The following FKBP10 variants were observed in gnomAD, a reference collection of about 807,000 sequenced individuals.
FKBP10 encodes peptidyl-prolyl cis-trans isomerase FKBP10.
In FKBP10, 34 loss-of-function variants were observed where a neutral mutation model predicts 53.7. That is an observed-to-expected ratio of 0.63 (90% CI 0.48 to 0.84). The LOEUF is 0.84. FKBP10 is among the 40% of genes least tolerant of loss of function. The probability of loss-of-function intolerance (pLI) is 0.00; values close to 1 mark genes in which losing one functional copy is unlikely to be tolerated. For synonymous variants in FKBP10, 324 were observed against 335.7 expected, an observed-to-expected ratio of 0.97 and a Z score of 0.38; for missense variants, 748 against 797.8, an observed-to-expected ratio of 0.94 and a Z score of 0.75.
rs1809222218 is a variant in FKBP10 at position 41,821,055 on chromosome 17, C to T, written c.1365C>T (p.Ile455=). The part of the protein sequence containing the change: ...GMCVGERRQL[I]VPPHLAHGES... ...GTGTGGGAGAGAGGCGGCAGCTCAT[C>T]GTGCCCCCGCACCTGGCCCACGGGG... The change falls in exon 8 of 10, where the codon ATC becomes ATT. Residue 455 remains isoleucine (I), a synonymous_variant. Transcript: ENST00000321562. 2 of 1,572,166 alleles carry T rather than the reference C, an allele frequency of 1.3e-6. No homozygotes were observed. The highest frequency in any genetic ancestry group is 8.6e-7 in the Non-Finnish European group (1 of 1,158,680).
chr17:41,813,211 G>A lies in FKBP10; in HGVS notation c.177G>A (p.Val59=). 1 of 1,613,626 alleles carries A rather than the reference G, an allele frequency of 6.2e-7. No individual in the cohort carries two copies. The change falls in exon 1 of 10, where the codon GTG becomes GTA. Residue 59 remains valine, a synonymous_variant. Transcript: ENST00000321562. ...TCCCCAGGGCCTGTCCCCGGGAAGT[G>A]CAGATGGGGGATTTTGTGCGCTACC... The part of the protein sequence containing the change: ...YHIPRACPRE[V]QMGDFVRYHY...
At chr17:41,818,781 C>T (rs2047849058) in intron 4 of FKBP10, 1 of 484,760 alleles carries the variant, frequency 2.1e-6, no homozygotes, top group South Asian at 2.1e-5. Flanking sequence ...CGGTGAAACC[C>T]CGTCTCTACT....
chr17:41,816,876 G>A (rs1029991513), intron 1 of FKBP10, among the ~76,000 whole-genome samples, 182 bp from the exon 2 acceptor site: 5 of 152,212 alleles, frequency 3.3e-5, no homozygotes, highest in African/African-American at 9.7e-5. Flanking sequence ...TAAGGTGGGC[G>A]TCACGGCCGA....
At position 41,819,331 on chromosome 17, in the gene FKBP10, C is replaced by T. The variant is rs782461284; in HGVS notation, c.849C>T (p.Ala283=). ...LELPPGCVRR[A]GAGDFMRYHY... ...TCCCCCCCGGCTGTGTCCGCAGAGC[C>T]GGGGCCGGGGACTTCATGCGCTACC... The change falls in exon 5 of 10, where the codon GCC becomes GCT. Residue 283 remains alanine, a synonymous_variant. Transcript: ENST00000321562. 1.6e-5 allele frequency: 26 copies of T among 1,601,882 alleles called. No individual in the cohort carries two copies. The East Asian group carries it at 3.4e-4, about 21-fold the overall frequency.
chr17:41,821,045 G>A lies in FKBP10; in HGVS notation c.1355G>A (p.Arg452Gln), dbSNP rs781863245. Residue 452 changes from arginine (R) to glutamine (Q), a missense_variant, in exon 8 of 10, where the codon CGG (arginine) becomes CAG (glutamine). Coordinates refer to ENST00000321562, the MANE Select transcript of FKBP10 (RefSeq NM_021939.4). ...CAGGGCATGTGTGTGGGAGAGAGGC[G>A]GCAGCTCATCGTGCCCCCGCACCTG... ...GLQGMCVGERRQLIVPPHLAH... is the reference protein window; with the variant it reads ...GLQGMCVGERQQLIVPPHLAH... The A allele has an allele frequency of 9.4e-6, 15 of 1,595,280 alleles. No homozygotes were observed. The highest frequency in any genetic ancestry group is 1.7e-5 in the Admixed American group (1 of 57,276).
rs782199101 is a variant in FKBP10, at chr17:41,817,094, T to C, written c.282T>C (p.Gly94=). 7 of 1,613,752 alleles carry C rather than the reference T, an allele frequency of 4.3e-6. No individual in the cohort carries two copies. The South Asian group carries it at 7.7e-5, about 18-fold the overall frequency. The change falls in exon 2 of 10, where the codon GGT becomes GGC. Residue 94 remains glycine, a synonymous_variant. Transcript: ENST00000321562. ...DRNTLVAIVV[G]VGRLITGMDR... is the part of the protein sequence containing the mutation. ...ACACCTTGGTGGCCATCGTGGTGGG[T>C]GTGGGGCGCCTCATCACTGGCATGG... is the stretch of plus-strand genomic sequence containing the variant.
intron 1 of FKBP10, among the ~76,000 whole-genome samples, chr17:41,816,046 G>A (rs2047811397): frequency 6.6e-6 from 1 of 151,156 alleles, no homozygotes; most frequent in Admixed American, 6.6e-5. Context: ...GCTGAGGCAG[G>A]AGAATCGCTT....
rs1276947944 is a variant in FKBP10, at chr17:41,822,439, C to G, written c.*31C>G. Reference sequence around the variant, plus strand: ...AGGGAGCCTGGCCAGGCCTGAGACACAGAGGCCCACTGCGAGGGGGACAGT... The same window carrying G: ...AGGGAGCCTGGCCAGGCCTGAGACAGAGAGGCCCACTGCGAGGGGGACAGT... On this transcript the variant is annotated 3_prime_UTR_variant, in exon 10 of 10. Transcript: ENST00000321562. 4 of 1,576,516 alleles carry G rather than the reference C, an allele frequency of 2.5e-6. No homozygotes were observed. The highest frequency in any genetic ancestry group is 3.4e-6 in the Non-Finnish European group (4 of 1,160,968).
Position 41,818,089 on chromosome 17 carries a change from C to G in FKBP10, c.392C>G (p.Ala131Gly), listed in dbSNP as rs782757906. The G allele has an allele frequency of 1.9e-6, 3 of 1,605,058 alleles. No homozygotes were observed. Among genetic ancestry groups the G allele is most frequent in the Admixed American group, 3.4e-5 (2 of 58,736 alleles). Residue 131 changes from alanine (A) to glycine (G), a missense_variant and splice_region_variant, in exon 3 of 10, where the codon GCG becomes GGG. Transcript: ENST00000321562. ...PHLGYGSIGL[A>G]GLIPPDATLY... Reference sequence around the variant, plus strand: ...CCTCCACGCTGCTGCGCTCTCACAGCGGGGCTCATTCCACCGGATGCCACC... The same window carrying G: ...CCTCCACGCTGCTGCGCTCTCACAGGGGGGCTCATTCCACCGGATGCCACC...
chr17:41,815,233 C>G (rs142693323), intron 1 of FKBP10, among the ~76,000 whole-genome samples: 622 of 152,310 alleles, frequency 4.1e-3, no homozygotes, highest in Middle Eastern at 6.8e-3. Flanking sequence ...ACGTGTCACA[C>G]AGTCAGACAT....
At position 41,821,072 on chromosome 17, in the gene FKBP10, C is replaced by T. The variant is rs782004558; in HGVS notation, c.1382C>T (p.Ala461Val). The T allele has an allele frequency of 4.5e-6, 7 of 1,542,976 alleles. No individual in the cohort carries two copies. The highest frequency in any genetic ancestry group is 2.3e-5 in the South Asian group (2 of 85,186). ...RRQLIVPPHL[A>V]HGESGARGVP... is the part of the protein sequence containing the mutation. Reference sequence around the variant, plus strand: ...CAGCTCATCGTGCCCCCGCACCTGGCCCACGGGGAGAGTGGAGGTGAGGGG... The same window carrying T: ...CAGCTCATCGTGCCCCCGCACCTGGTCCACGGGGAGAGTGGAGGTGAGGGG... Residue 461 changes from alanine to valine, a missense_variant, in exon 8 of 10, where the codon GCC (alanine) becomes GTC (valine). Physicochemically the swap from Ala to Val is moderately conservative, Grantham distance 64 (BLOSUM62 0). Transcript: ENST00000321562.
intron 2 of FKBP10, among the ~76,000 whole-genome samples, chr17:41,817,776 C>T (rs2047834578): frequency 6.6e-6 from 1 of 151,818 alleles, no homozygotes; most frequent in Admixed American, 6.6e-5. Context: ...TACAGGTGCA[C>T]ACCACCACAC....
intron 4 of FKBP10, chr17:41,818,943 G>C: frequency 2.6e-6 from 1 of 378,238 alleles, no homozygotes; most frequent in Non-Finnish European, 4.8e-6. Flanking sequence ...GTGACAGAGC[G>C]AGACTCTGTC....
At chr17:41,813,540 T>C (rs1440558899) in intron 1 of FKBP10, among the ~76,000 whole-genome samples, 4 of 152,094 alleles carry the variant, frequency 2.6e-5, no homozygotes, top group Admixed American at 2.6e-4. Context: ...CTGCCTTGTG[T>C]AGTTACCAGG....
chr17:41,821,514 T>C, intron 8 of FKBP10, 140 bp from the exon 9 acceptor site: 1 of 1,030,358 alleles, frequency 9.7e-7, no homozygotes, highest in Non-Finnish European at 1.4e-6. Flanking sequence ...GCCTTCAGGA[T>C]GGCTCCTTAA....
intron 6 of FKBP10, 157 bp downstream of exon 6, chr17:41,819,832 GC>G (rs1567855479): frequency 1.3e-6 from 2 of 1,538,096 alleles, no homozygotes; most frequent in Non-Finnish European, 1.8e-6. Flanking sequence ...TCTGATTCCT[GC>G]CACACAGACT....
intron 1 of FKBP10, among the ~76,000 whole-genome samples, chr17:41,814,423 C>T (rs1471063827): frequency 1.3e-5 from 2 of 152,210 alleles, no homozygotes; most frequent in Admixed American, 6.5e-5. Context: ...GATGAATGAA[C>T]GTAGGCTTCT....
Position 41,819,538 on chromosome 17 carries a change from G to A in FKBP10, c.926G>A (p.Arg309His), listed in dbSNP as rs782424797. 2 of 1,613,966 alleles carry A rather than the reference G, an allele frequency of 1.2e-6. No homozygotes were observed. The highest frequency in any genetic ancestry group is 1.7e-6 in the Non-Finnish European group (2 of 1,179,994). Residue 309 changes from arginine to histidine, a missense_variant, in exon 6 of 10, where the codon CGC becomes CAC. Coordinates refer to ENST00000321562, the MANE Select transcript of FKBP10 (RefSeq NM_021939.4). ...CCCGCCTTGTATTGCAGCTACTCCC[G>A]CAACCACACCTACAATACCTATATC... The part of the protein sequence containing the change: ...DGTLFDSSYS[R>H]NHTYNTYIGQ...
intron 4 of FKBP10, 98 bp from the exon 5 acceptor site, chr17:41,819,112 G>A: frequency 8.2e-7 from 1 of 1,222,942 alleles, no homozygotes; most frequent in Non-Finnish European, 1.2e-6. Context: ...GGAGAGTGGG[G>A]CTAGTGTCTT....
Sources: allele counts gnomAD v4.1 joint callset (sites outside exome capture counted in the v4.1 genomes callset), GRCh38; gene constraint gnomAD v4.1.1; transcripts MANE v1.5; gene names NCBI Gene and HGNC (gene_info 2026-07-23, HGNC 2026-07-21).